The following LRRC36 variants were observed in gnomAD, a reference collection of about 807,000 sequenced individuals.
The protein encoded by LRRC36 is leucine rich repeat containing 36, also known as leucine-rich repeat-containing protein 36.
LRRC36 carries 62 observed loss-of-function variants against 81.1 expected under a neutral mutation model. That is an observed-to-expected ratio of 0.76 (90% CI 0.62 to 0.94). The LOEUF (loss-of-function observed/expected upper bound fraction) is 0.94. Ranked by LOEUF, LRRC36 falls within the 40% of genes least tolerant of loss-of-function variation. LRRC36 has a pLI of 0.00. For synonymous variants in LRRC36, 334 were observed against 348.6 expected, an observed-to-expected ratio of 0.96 and a Z score of 0.47; for missense variants, 761 against 881.7, an observed-to-expected ratio of 0.86 and a Z score of 1.73.
At chr16:67,361,853 C>T (rs1358061442) in intron 5 of LRRC36, among the ~76,000 whole-genome samples, 2 of 152,148 alleles carry the variant, frequency 1.3e-5, no homozygotes, top group Admixed American at 1.3e-4. Context: ...AGGTATGAGC[C>T]ACCATGCCTG....
intron 5 of LRRC36, among the ~76,000 whole-genome samples, chr16:67,360,050 G>A (rs1323350330): frequency 5.9e-5 from 9 of 152,048 alleles, no homozygotes; most frequent in Non-Finnish European, 7.4e-5. Context: ...GCTTGAAGCC[G>A]GGAGGCGGAG....
At chr16:67,351,472 T>C (rs950145198) in intron 5 of LRRC36, among the ~76,000 whole-genome samples, 3 of 152,174 alleles carry the variant, frequency 2.0e-5, no homozygotes, top group Non-Finnish European at 4.4e-5. Flanking sequence ...TTTGGGAGGC[T>C]GAGATGGGCA....
intron 9 of LRRC36, among the ~76,000 whole-genome samples, chr16:67,374,465 G>A (rs1250195195): frequency 6.6e-6 from 1 of 151,916 alleles, no homozygotes; most frequent in Non-Finnish European, 1.5e-5. Flanking sequence ...CACGATCTCG[G>A]CTCACTGCAA....
At chr16:67,377,085 G>A (rs2039930288) in intron 11 of LRRC36, among the ~76,000 whole-genome samples, 1 of 152,198 alleles carries the variant, frequency 6.6e-6, no homozygotes, top group Non-Finnish European at 1.5e-5. Flanking sequence ...TCTAAAGAAA[G>A]ACTTGAAATA....
chr16:67,332,033 C>G (rs539174390), intron 1 of LRRC36, among the ~76,000 whole-genome samples: 1 of 151,936 alleles, frequency 6.6e-6, no homozygotes, highest in South Asian at 2.1e-4. Context: ...TAGAAACATT[C>G]ATTGTCATTA....
At position 67,371,140 on chromosome 16, in the gene LRRC36, C is replaced by T. The variant is rs771356477; in HGVS notation, c.1392C>T (p.Thr464=). The T allele has an allele frequency of 4.8e-5, 78 of 1,614,034 alleles. No homozygotes were observed. The South Asian group carries it at 7.5e-4, about 15-fold the overall frequency. ...CTTCAGAACACAGAAAGATTTTTAC[C>T]AAGAGGTCACTAAGCCCATCGAAGA... ...PGTSEHRKIF[T]KRSLSPSKRG... is the part of the protein sequence containing the mutation. Residue 464 remains threonine (T), a synonymous_variant, in exon 9 of 14, where the codon ACC becomes ACT. Coordinates refer to ENST00000329956, the MANE Select transcript of LRRC36 (RefSeq NM_018296.6).
chr16:67,326,952 G>T lies in LRRC36; in HGVS notation c.70+20G>T. The T allele has an allele frequency of 6.7e-7, 1 of 1,495,874 alleles. No individual in the cohort carries two copies. 92.7% of individuals were successfully genotyped at this position (1,495,874 alleles called of 1,614,324 possible). ...AGCCGGGTAGGGTCTGGCCGGGAGG[G>T]TGTGGACTGGGAACGTAGGGTCAGA... is the stretch of plus-strand genomic sequence containing the variant. On this transcript the variant is annotated intron_variant, in intron 1 of 13. Transcript: ENST00000329956.
At position 67,385,141 on chromosome 16, in the gene LRRC36, C is replaced by A. The variant is rs759451155; in HGVS notation, c.*52C>A. ...TTCCCTGGTCCACAGAGGCTCTCAC[C>A]GCCATTGCCACCAGTATGGTGGTAT... is the stretch of plus-strand genomic sequence containing the variant. On this transcript the variant is annotated 3_prime_UTR_variant, in exon 14 of 14. Transcript: ENST00000329956. The A allele has an allele frequency of 7.3e-7, 1 of 1,375,704 alleles. No individual in the cohort carries two copies. The allele number at this position is 1,375,704 out of a possible 1,614,324, so 85.2% of individuals were successfully genotyped here.
intron 9 of LRRC36, among the ~76,000 whole-genome samples, chr16:67,372,299 G>T (rs1160182262): frequency 6.6e-6 from 1 of 151,708 alleles, no homozygotes; most frequent in Non-Finnish European, 1.5e-5. Flanking sequence ...GGAGGTTGTG[G>T]TGAGCCGAGA....
chr16:67,345,170 C>T (rs1186633007), intron 2 of LRRC36, among the ~76,000 whole-genome samples: 1 of 151,860 alleles, frequency 6.6e-6, no homozygotes, highest in Non-Finnish European at 1.5e-5. Context: ...AAATAGTTAG[C>T]CAGGTGTGGT....
Position 67,371,182 on chromosome 16 carries a change from G to A in LRRC36, c.1434G>A (p.Lys478=). 6.2e-7 allele frequency: 1 copy of A among 1,614,178 alleles called. No homozygotes were observed. ...LSPSKRGFKW[K]DNILANLNLK... ...CATCGAAGAGAGGATTCAAATGGAAGGACAATATCCTTGCCAACCTGAATC... is the reference window on the plus strand; with the variant it reads ...CATCGAAGAGAGGATTCAAATGGAAAGACAATATCCTTGCCAACCTGAATC... The change falls in exon 9 of 14, where the codon AAG becomes AAA. Residue 478 remains lysine (K), a synonymous_variant. Coordinates refer to ENST00000329956, the MANE Select transcript of LRRC36 (RefSeq NM_018296.6).
At position 67,354,406 on chromosome 16, in the gene LRRC36, T is replaced by A. The variant is rs566080500; in HGVS notation, c.577+4116T>A. Among the ~76,000 whole-genome samples the A allele has an allele frequency of 5.3e-5, 8 of 152,164 alleles. No individual in the cohort carries two copies. The South Asian group carries it at 8.3e-4, about 16-fold the overall frequency. On this transcript the variant is annotated intron_variant, in intron 5 of 13. Coordinates refer to ENST00000329956, the MANE Select transcript of LRRC36 (RefSeq NM_018296.6). Reference sequence around the variant, plus strand: ...GATTCTCATGTCTCACCTGCCCGAATACCTGGGATTACAGGCGTGTACCAC... The same window carrying A: ...GATTCTCATGTCTCACCTGCCCGAAAACCTGGGATTACAGGCGTGTACCAC...
intron 5 of LRRC36, among the ~76,000 whole-genome samples, chr16:67,360,531 A>G (rs1339808663): frequency 6.6e-6 from 1 of 152,220 alleles, no homozygotes; most frequent in Non-Finnish European, 1.5e-5. Context: ...TGTTACAACT[A>G]GCAGTTTCTG....
At chr16:67,373,847 A>T (rs2039770055) in intron 9 of LRRC36, among the ~76,000 whole-genome samples, 1 of 151,784 alleles carries the variant, frequency 6.6e-6, no homozygotes, top group Non-Finnish European at 1.5e-5. Context: ...CACTGTCTCC[A>T]CTAAAAATAC....
At chr16:67,363,499 T>A (rs1482989618) in intron 5 of LRRC36, 91 bp from the exon 6 acceptor site, 12 of 1,345,156 alleles carry the variant, frequency 8.9e-6, no homozygotes, top group Non-Finnish European at 1.2e-5. Context: ...CTCAATCTTG[T>A]GACTTTCCTT....
chr16:67,331,736 C>A (rs1567462910), intron 1 of LRRC36, among the ~76,000 whole-genome samples: 1 of 151,920 alleles, frequency 6.6e-6, no homozygotes, highest in East Asian at 1.9e-4. Flanking sequence ...GCCTGTAATC[C>A]CAGCACTTTG....
chr16:67,371,311 T>A, intron 9 of LRRC36, 69 bp downstream of exon 9: 1 of 1,578,852 alleles, frequency 6.3e-7, no homozygotes, highest in Non-Finnish European at 8.7e-7. Flanking sequence ...AGGGTTCTGT[T>A]GGGAATGGAG....
chr16:67,376,712 C>T lies in LRRC36; in HGVS notation c.1661-15C>T. On this transcript the variant is annotated splice_polypyrimidine_tract_variant and intron_variant, in intron 10 of 13. Coordinates refer to ENST00000329956, the MANE Select transcript of LRRC36 (RefSeq NM_018296.6). ...TTTAAGATTGGCCTGTGTGCCCATCCTGAATTTTTGGCAGGTCCTGCCCGA... is the reference window on the plus strand; with the variant it reads ...TTTAAGATTGGCCTGTGTGCCCATCTTGAATTTTTGGCAGGTCCTGCCCGA... 6.2e-7 allele frequency: 1 copy of T among 1,607,420 alleles called. No homozygotes were observed.
rs556972286 is a variant in LRRC36, at chr16:67,368,852, A to G, written c.1195+1395A>G. On this transcript the variant is annotated intron_variant, in intron 8 of 13. Coordinates refer to ENST00000329956, the MANE Select transcript of LRRC36 (RefSeq NM_018296.6). ...GAATATGTTCTGAAGATGACACTCC[A>G]TGGTTTGCTGATGGATCCAGGATAA... Among the ~76,000 whole-genome samples the G allele has an allele frequency of 3.9e-5, 6 of 152,316 alleles. No individual in the cohort carries two copies. The East Asian group carries it at 1.2e-3, about 29-fold the overall frequency.
Sources: gnomAD v4.1 joint callset for allele counts (sites outside exome capture counted in the v4.1 genomes callset) on GRCh38, gnomAD v4.1.1 for gene constraint, MANE v1.5 for transcripts, NCBI Gene and HGNC (gene_info 2026-07-23, HGNC 2026-07-21) for gene names.